The following LRMDA variants were observed in gnomAD, a reference collection of about 807,000 sequenced individuals.
LRMDA encodes leucine rich melanocyte differentiation associated.
In LRMDA, 18 loss-of-function variants were observed where a neutral mutation model predicts 29.8. The ratio of observed to expected loss-of-function variants is 0.60; its 90% confidence interval spans 0.42 to 0.90. The LOEUF is 0.90. LRMDA is among the 40% of genes least tolerant of loss of function. The pLI is 0.00. For missense variants in LRMDA, 273 were observed against 273.9 expected (o/e 1.00, Z 0.02); for synonymous variants, 125 against 109.4 (o/e 1.14, Z -0.89).
intron 5 of LRMDA, among the ~76,000 whole-genome samples, chr10:76,294,386 A>G (rs1840387477): frequency 6.6e-6 from 1 of 152,214 alleles, no homozygotes. Flanking sequence ...ATTTACCTTT[A>G]TACTGGTGAA....
At chr10:75,665,242 C>T (rs1841807566) in intron 2 of LRMDA, among the ~76,000 whole-genome samples, 1 of 152,196 alleles carries the variant, frequency 6.6e-6, no homozygotes, top group East Asian at 1.9e-4. Context: ...TTTGAAGTGA[C>T]TTTTCAGATC....
intron 6 of LRMDA, among the ~76,000 whole-genome samples, chr10:76,491,898 C>T (rs182637189): frequency 6.6e-6 from 1 of 151,814 alleles, no homozygotes; most frequent in Admixed American, 6.6e-5. Flanking sequence ...CTTTTATATT[C>T]TCTGACTGTA....
At chr10:75,557,031 G>A (rs1037782879) in intron 2 of LRMDA, among the ~76,000 whole-genome samples, 10 of 151,776 alleles carry the variant, frequency 6.6e-5, no homozygotes, top group African/African-American at 2.4e-4. Flanking sequence ...AAGTAAAATG[G>A]GGCCAGGCAT....
At chr10:76,329,845 T>C (rs1840883331) in intron 6 of LRMDA, among the ~76,000 whole-genome samples, 1 of 152,248 alleles carries the variant, frequency 6.6e-6, no homozygotes, top group South Asian at 2.1e-4. Context: ...AAAACTGTGT[T>C]TTTTTAAATT....
chr10:76,175,367 A>G (rs376498442), intron 5 of LRMDA, among the ~76,000 whole-genome samples: 2 of 152,218 alleles, frequency 1.3e-5, no homozygotes, highest in Non-Finnish European at 2.9e-5. Flanking sequence ...AGTACTATCT[A>G]TCTCAACAGA....
At chr10:75,907,754 G>A (rs780687560) in intron 2 of LRMDA, among the ~76,000 whole-genome samples, 3 of 152,134 alleles carry the variant, frequency 2.0e-5, no homozygotes, top group South Asian at 4.1e-4. Flanking sequence ...CAACACCATC[G>A]GCTCAAACTT....
intron 5 of LRMDA, among the ~76,000 whole-genome samples, chr10:76,109,464 TA>T (rs1849540603): frequency 6.6e-6 from 1 of 152,226 alleles, no homozygotes; most frequent in South Asian, 2.1e-4. Flanking sequence ...TTTCCTTCTT[TA>T]TCTTGCATAG....
chr10:76,078,363 A>C (rs759668226), intron 5 of LRMDA, among the ~76,000 whole-genome samples: 4 of 152,140 alleles, frequency 2.6e-5, no homozygotes, highest in Non-Finnish European at 4.4e-5. Flanking sequence ...ATTTAAGCAC[A>C]GACGTTCCAT....
chr10:76,127,575 T>G (rs1017379193), intron 5 of LRMDA, among the ~76,000 whole-genome samples: 18 of 152,136 alleles, frequency 1.2e-4, no homozygotes, highest in African/African-American at 4.3e-4. Context: ...TGCAGAGTTT[T>G]TTTTTTTTTC....
At chr10:75,809,427 T>A (rs1009905945) in intron 2 of LRMDA, among the ~76,000 whole-genome samples, 1 of 152,104 alleles carries the variant, frequency 6.6e-6, no homozygotes, top group African/African-American at 2.4e-5. Context: ...GCAGATCACC[T>A]GAGGTCAGGA....
At chr10:76,390,665 T>C (rs1841713171) in intron 6 of LRMDA, among the ~76,000 whole-genome samples, 1 of 151,984 alleles carries the variant, frequency 6.6e-6, no homozygotes, top group Non-Finnish European at 1.5e-5. Flanking sequence ...GTCTTCAAAA[T>C]CCTTAAACTG....
intron 6 of LRMDA, among the ~76,000 whole-genome samples, chr10:76,537,760 C>T (rs531609929): frequency 5.3e-5 from 8 of 152,240 alleles, no homozygotes; most frequent in East Asian, 3.9e-4. Context: ...TGTCACATAA[C>T]GTATTCACAG....
At chr10:75,612,883 A>G (rs556203298) in intron 2 of LRMDA, among the ~76,000 whole-genome samples, 4 of 150,528 alleles carry the variant, frequency 2.7e-5, no homozygotes, top group East Asian at 1.9e-4. Context: ...TTTGGTGGGG[A>G]AAAAAAAATG....
Position 76,399,935 on chromosome 10 carries a change from AT to A in LRMDA, c.601+75451del, listed in dbSNP as rs1564530839. ...CCATGATGTGGCAGCAGCTTCTAAG[AT>A]GGTCCTTATAATATCTGTTATCTGG... On this transcript the variant is annotated intron_variant, in intron 6 of 6. Transcript: ENST00000611255. Among the ~76,000 whole-genome samples the A allele has an allele frequency of 1.3e-5, 2 of 152,120 alleles. 1 individual carries two copies. The highest frequency in any genetic ancestry group is 2.9e-5 in the Non-Finnish European group (2 of 68,034).
intron 2 of LRMDA, among the ~76,000 whole-genome samples, chr10:76,008,456 C>T (rs923917612): frequency 6.6e-6 from 1 of 152,116 alleles, no homozygotes; most frequent in African/African-American, 2.4e-5. Context: ...CTTTGAAACA[C>T]ATTAACTCAT....
intron 6 of LRMDA, among the ~76,000 whole-genome samples, chr10:76,480,359 A>G (rs1842722632): frequency 6.6e-6 from 1 of 151,988 alleles, no homozygotes; most frequent in African/African-American, 2.4e-5. Flanking sequence ...TTGAGAATAT[A>G]ATACTGTACA....
intron 5 of LRMDA, among the ~76,000 whole-genome samples, chr10:76,314,007 A>T (rs774090053): frequency 6.6e-6 from 1 of 152,320 alleles, no homozygotes; most frequent in South Asian, 2.1e-4. Flanking sequence ...TATTGGAAGA[A>T]TATTTTTTCA....
chr10:76,167,923 A>AT (rs1324751125), intron 5 of LRMDA, among the ~76,000 whole-genome samples: 11 of 151,908 alleles, frequency 7.2e-5, no homozygotes, highest in Admixed American at 6.6e-4. Flanking sequence ...GTCATTTCTG[A>AT]TTTTTTTGAG....
At chr10:76,362,036 G>A (rs569473975) in intron 6 of LRMDA, among the ~76,000 whole-genome samples, 1 of 152,276 alleles carries the variant, frequency 6.6e-6, no homozygotes, top group South Asian at 2.1e-4. Context: ...GAGTTTGAAG[G>A]GAAGGACTCA....
Sources: gnomAD v4.1 joint callset for allele counts (sites outside exome capture counted in the v4.1 genomes callset) on GRCh38, gnomAD v4.1.1 for gene constraint, MANE v1.5 for transcripts, NCBI Gene and HGNC (gene_info 2026-07-23, HGNC 2026-07-21) for gene names.